GPM6A: variants seen among roughly 807,000 people sequenced by gnomAD.
The protein encoded by GPM6A is neuronal membrane glycoprotein M6-a.
Under a neutral mutation model 32.1 loss-of-function variants are expected in GPM6A, and 7 were observed. That is an observed-to-expected ratio of 0.22 (90% confidence interval 0.12 to 0.41). The LOEUF (loss-of-function observed/expected upper bound fraction) is 0.41. GPM6A is among the 10% of genes least tolerant of loss of function. The pLI is 1.00. For synonymous variants in GPM6A, 130 were observed against 123.4 expected (o/e 1.05, Z -0.35); for missense variants, 235 against 347.2 (o/e 0.68, Z 2.57).
intron 1 of GPM6A, among the ~76,000 whole-genome samples, chr4:175,924,176 A>T (rs1021098041): frequency 6.6e-6 from 1 of 152,196 alleles, no homozygotes; most frequent in Non-Finnish European, 1.5e-5. Context: ...TCTCATTTTA[A>T]CACATGCTTA....
intron 1 of GPM6A, among the ~76,000 whole-genome samples, chr4:175,799,666 G>GTTTTATTT (rs1553990612): frequency 8.7e-6 from 1 of 114,918 alleles, no homozygotes; most frequent in Non-Finnish European, 2.1e-5. Flanking sequence ...AGTAGCAAGT[G>GTTTTATTT]TTTTCTTTTT....
chr4:175,641,388 A>C (rs1315351180), intron 4 of GPM6A: 1 of 152,744 alleles, frequency 6.5e-6, no homozygotes, highest in Non-Finnish European at 1.5e-5. Flanking sequence ...GAAGTTGTCA[A>C]AAATATGTAT....
intron 1 of GPM6A, among the ~76,000 whole-genome samples, chr4:175,723,145 T>A (rs1212419818): frequency 1.3e-5 from 2 of 152,222 alleles, no homozygotes; most frequent in East Asian, 3.8e-4. Context: ...ACAAAAGCTA[T>A]ATATTTTTCT....
intron 1 of GPM6A, among the ~76,000 whole-genome samples, chr4:175,859,282 A>C (rs2111416794): frequency 6.6e-6 from 1 of 152,200 alleles, no homozygotes; most frequent in East Asian, 1.9e-4. Context: ...GTCACAAAGA[A>C]ATATACTAAA....
intron 3 of GPM6A, among the ~76,000 whole-genome samples, chr4:175,672,421 A>G (rs1232410486): frequency 6.6e-6 from 1 of 152,242 alleles, no homozygotes. Flanking sequence ...ATAAAAAGCC[A>G]ATTACTATAT....
At chr4:175,961,407 T>C (rs1740159131) in intron 1 of GPM6A, 1 of 152,160 alleles carries the variant, frequency 6.6e-6, no homozygotes, top group South Asian at 2.1e-4. Flanking sequence ...ATGAGAGAAT[T>C]GAGGTCTTGA....
intron 1 of GPM6A, among the ~76,000 whole-genome samples, chr4:175,778,645 A>AAAAAG (rs1733493780): frequency 1.4e-5 from 2 of 148,058 alleles, no homozygotes; most frequent in South Asian, 2.1e-4. Context: ...AAAAAAAAAA[A>AAAAAG]AAAAAGAAAA....
chr4:175,962,428 C>G, intron 1 of GPM6A: 1 of 708,584 alleles, frequency 1.4e-6, no homozygotes, highest in Non-Finnish European at 2.7e-6. Context: ...CAAAAGCAAG[C>G]CTGCCACCAA....
chr4:175,786,349 G>A (rs1176599199), intron 1 of GPM6A, among the ~76,000 whole-genome samples: 1 of 144,608 alleles, frequency 6.9e-6, no homozygotes, highest in Non-Finnish European at 1.5e-5. Flanking sequence ...GGTAGCATTT[G>A]ATCCAAATTA....
intron 1 of GPM6A, among the ~76,000 whole-genome samples, chr4:175,837,521 G>C (rs1003765515): frequency 5.3e-5 from 8 of 152,132 alleles, no homozygotes; most frequent in Non-Finnish European, 1.2e-4. Context: ...CAAAAGAGGG[G>C]CTGTGGGGTT....
chr4:175,669,440 C>A (rs2110970978), intron 3 of GPM6A, among the ~76,000 whole-genome samples: 1 of 152,218 alleles, frequency 6.6e-6, no homozygotes, highest in African/African-American at 2.4e-5. Context: ...CATTAACTTA[C>A]CAGTTGAACA....
At chr4:175,666,890 G>A (rs886601008) in intron 3 of GPM6A, among the ~76,000 whole-genome samples, 1 of 152,140 alleles carries the variant, frequency 6.6e-6, no homozygotes, top group African/African-American at 2.4e-5. Context: ...TGGCTTTATT[G>A]CAAAATTTGA....
chr4:175,711,034 C>T (rs1416245122), intron 1 of GPM6A, among the ~76,000 whole-genome samples: 1 of 152,090 alleles, frequency 6.6e-6, no homozygotes, highest in Non-Finnish European at 1.5e-5. Context: ...TGAACTTCTC[C>T]TTTAACTTTA....
chr4:175,733,677 A>C (rs1014548133), intron 1 of GPM6A, among the ~76,000 whole-genome samples: 12 of 152,116 alleles, frequency 7.9e-5, no homozygotes, highest in African/African-American at 2.9e-4. Flanking sequence ...TCTTTATTTT[A>C]TGTACCTGAG....
chr4:175,829,429 T>C (rs1422213082), intron 1 of GPM6A, among the ~76,000 whole-genome samples: 1 of 150,944 alleles, frequency 6.6e-6, no homozygotes, highest in African/African-American at 2.4e-5. Context: ...TTAAAGACAC[T>C]GTGTTGGGGA....
intron 1 of GPM6A, among the ~76,000 whole-genome samples, chr4:175,732,371 T>C (rs889729902): frequency 3.3e-5 from 5 of 152,184 alleles, no homozygotes; most frequent in Admixed American, 2.6e-4. Context: ...CTTTTTCTTC[T>C]ATATTAATTA....
upstream of GPM6A, chr4:175,812,729 A>G: frequency 3.0e-6 from 3 of 985,464 alleles, no homozygotes; most frequent in Non-Finnish European, 3.6e-6. Flanking sequence ...ACCAACCCGT[A>G]ATTCCCCCCT....
chr4:175,726,695 A>G (rs1057165889), intron 1 of GPM6A, among the ~76,000 whole-genome samples: 1 of 152,200 alleles, frequency 6.6e-6, no homozygotes, highest in Non-Finnish European at 1.5e-5. Flanking sequence ...AAAAACTAAA[A>G]TGCAAAAATG....
chr4:175,964,656 C>A (rs1740277824), intron 1 of GPM6A, among the ~76,000 whole-genome samples: 1 of 152,130 alleles, frequency 6.6e-6, no homozygotes, highest in Non-Finnish European at 1.5e-5. Context: ...ACCCTAATGA[C>A]CTCATTTTAC....
Sources: gnomAD v4.1 joint callset for allele counts (sites outside exome capture counted in the v4.1 genomes callset) on GRCh38, gnomAD v4.1.1 for gene constraint, MANE v1.5 for transcripts, NCBI Gene and HGNC (gene_info 2026-07-23, HGNC 2026-07-21) for gene names.